Variants in UGT2B15 observed in about 807,000 individuals in gnomAD.
The protein encoded by UGT2B15 is UDP glucuronosyltransferase family 2 member B15, also known as UDP-glucuronosyltransferase 2B15.
Under a neutral mutation model 45.9 loss-of-function variants are expected in UGT2B15, and 36 were observed. The observed-to-expected ratio is 0.78, with a 90% CI of 0.60 to 1.04. UGT2B15 has a LOEUF of 1.04. Among genes scored for constraint, UGT2B15 ranks in the 50% least tolerant of loss-of-function variants. UGT2B15 has a pLI of 0.00. For missense variants in UGT2B15, 617 were observed against 622.4 expected (o/e 0.99, Z 0.09); for synonymous variants, 219 against 216.4 (o/e 1.01, Z -0.11).
chr4:68,657,534 A>G (rs1732842846), intron 3 of UGT2B15, among the ~76,000 whole-genome samples: 1 of 152,120 alleles, frequency 6.6e-6, no homozygotes, highest in African/African-American at 2.4e-5. Flanking sequence ...TGGGAAACAA[A>G]TAATCTAAGA....
intron 3 of UGT2B15, among the ~76,000 whole-genome samples, chr4:68,658,543 C>A (rs1947436): frequency 0.058 from 8,815 of 151,830 alleles, 608 homozygotes; most frequent in East Asian, 0.26. Context: ...TAAACCAAGC[C>A]CAAAACAGAA....
intron 3 of UGT2B15, among the ~76,000 whole-genome samples, chr4:68,662,351 T>C (rs1399387146): frequency 3.3e-5 from 5 of 151,648 alleles, no homozygotes; most frequent in African/African-American, 1.2e-4. Flanking sequence ...TTTTTCTGCT[T>C]AAGACATTAG....
chr4:68,666,748 A>AGATTT, intron 2 of UGT2B15, among the ~76,000 whole-genome samples: 1 of 82,486 alleles, frequency 1.2e-5, no homozygotes, highest in Non-Finnish European at 3.2e-5. Context: ...ATATATATAT[A>AGATTT]TATATTTTTT....
chr4:68,657,977 T>G (rs1732859423), intron 3 of UGT2B15, among the ~76,000 whole-genome samples: 1 of 152,094 alleles, frequency 6.6e-6, no homozygotes, highest in Non-Finnish European at 1.5e-5. Flanking sequence ...ACACCAAATT[T>G]TTTGTCTCTG....
chr4:68,664,789 C>T (rs1396427747), intron 2 of UGT2B15, among the ~76,000 whole-genome samples: 1 of 152,038 alleles, frequency 6.6e-6, no homozygotes, highest in Non-Finnish European at 1.5e-5. Flanking sequence ...TGGTCTTGAC[C>T]TCCTGACCTT....
intron 1 of UGT2B15, 96 bp downstream of exon 1, chr4:68,669,799 A>G (rs1434577836): frequency 1.4e-6 from 2 of 1,478,506 alleles, no homozygotes; most frequent in African/African-American, 1.4e-5. Flanking sequence ...ATTTCCCTTA[A>G]AAACACTATC....
intron 3 of UGT2B15, among the ~76,000 whole-genome samples, chr4:68,656,719 A>G (rs1486173285): frequency 6.6e-6 from 1 of 152,078 alleles, no homozygotes; most frequent in Non-Finnish European, 1.5e-5. Flanking sequence ...GAACTCTTTT[A>G]AAGAATTCAG....
Position 68,670,542 on chromosome 4 carries a change from A to G in UGT2B15, c.77T>C (p.Val26Ala). ...CYFSSGSCGK[V>A]LVWPTEYSHW... is the part of the protein sequence containing the mutation. ...GCTGTATTCTGTGGGCCACACTAGC[A>G]CCTTTCCACAGCTTCCAGAGCTAAA... Residue 26 changes from valine to alanine, a missense_variant, in exon 1 of 6, where the codon GTG becomes GCG. By Grantham distance (64) the Val-to-Ala change is moderately conservative. Around this residue, in one of 3 missense-constraint regions of UGT2B15, gnomAD observed 351 missense variants for 342.1 expected, o/e 1.03. Transcript: ENST00000338206. 6.2e-7 allele frequency: 1 copy of G among 1,608,164 alleles called. No homozygotes were observed. Among genetic ancestry groups the G allele is most frequent in the Non-Finnish European group, 8.5e-7 (1 of 1,178,822 alleles).
intron 2 of UGT2B15, among the ~76,000 whole-genome samples, chr4:68,666,613 A>G (rs147377828): frequency 2.0e-5 from 3 of 152,008 alleles, no homozygotes; most frequent in East Asian, 3.9e-4. Flanking sequence ...CCTTTTTGCA[A>G]TATTATACAT....
chr4:68,662,260 C>A (rs1732989198), intron 3 of UGT2B15, among the ~76,000 whole-genome samples: 1 of 151,988 alleles, frequency 6.6e-6, no homozygotes, highest in African/African-American at 2.4e-5. Context: ...ATTCTTAGAG[C>A]ATAGTCTTTG....
chr4:68,656,364 A>G (rs1732805862), intron 3 of UGT2B15, among the ~76,000 whole-genome samples: 2 of 149,828 alleles, frequency 1.3e-5, no homozygotes, highest in South Asian at 4.2e-4. Context: ...CCTTACCATT[A>G]CAGTGCTTAG....
chr4:68,661,274 C>T (rs542320802), intron 3 of UGT2B15, among the ~76,000 whole-genome samples: 1 of 152,132 alleles, frequency 6.6e-6, no homozygotes, highest in South Asian at 2.1e-4. Flanking sequence ...ATCTGATTGC[C>T]TCCTTGGAGA....
chr4:68,657,479 A>C (rs946340910), intron 3 of UGT2B15, among the ~76,000 whole-genome samples: 2 of 152,122 alleles, frequency 1.3e-5, no homozygotes, highest in Non-Finnish European at 2.9e-5. Context: ...TTCACCACAC[A>C]TAAACCCTAG....
Position 68,657,404 on chromosome 4 carries a change from A to G in UGT2B15, c.1006-2222T>C, listed in dbSNP as rs187464009. Among the ~76,000 whole-genome samples, 354 of 152,294 alleles carry G rather than the reference A, an allele frequency of 2.3e-3. 8 individuals are homozygous for G. The highest frequency in any genetic ancestry group is 8.0e-3 in the African/African-American group (332 of 41,552). ...TCTGGAGAGAGAAACTGAGACATGT[A>G]AGAGGGTGGAAACAACTCAGTGGTG... On this transcript the variant is annotated intron_variant, in intron 3 of 5. Transcript: ENST00000338206.
chr4:68,651,752 A>G (rs1213333793), intron 5 of UGT2B15, among the ~76,000 whole-genome samples: 2 of 152,094 alleles, frequency 1.3e-5, no homozygotes, highest in African/African-American at 4.8e-5. Context: ...TGGTACCAGT[A>G]CCATTCTGTT....
At chr4:68,668,323 T>A (rs1424160082) in intron 1 of UGT2B15, 135 bp from the exon 2 acceptor site, 2 of 1,266,946 alleles carry the variant, frequency 1.6e-6, no homozygotes, top group Non-Finnish European at 2.1e-6. Flanking sequence ...TGATAAAATA[T>A]ATATAAATAC....
chr4:68,650,815 T>C (rs1182263278), intron 5 of UGT2B15, among the ~76,000 whole-genome samples: 1 of 151,990 alleles, frequency 6.6e-6, no homozygotes, highest in Non-Finnish European at 1.5e-5. Flanking sequence ...GATCTGTTGT[T>C]TTTTGACTTT....
chr4:68,658,003 A>G (rs1732860874), intron 3 of UGT2B15, among the ~76,000 whole-genome samples: 1 of 152,028 alleles, frequency 6.6e-6, no homozygotes, highest in Non-Finnish European at 1.5e-5. Context: ...TATGATGTAA[A>G]TTTTGCTATT....
Position 68,662,046 on chromosome 4 carries a change from A to T in UGT2B15, c.1005+962T>A, listed in dbSNP as rs5029386. On this transcript the variant is annotated intron_variant, in intron 3 of 5. Transcript: ENST00000338206. ...ACTGGAGTAGAATTTACAAGTGTTG[A>T]CCTTGTATTTGATATGGGAGTGTTA... 3.1e-3 allele frequency among the ~76,000 whole-genome samples: 476 copies of T among 151,258 alleles called. 5 individuals carry two copies. The highest frequency in any genetic ancestry group is 0.011 in the African/African-American group (453 of 40,664).
Sources: allele counts gnomAD v4.1 joint callset (sites outside exome capture counted in the v4.1 genomes callset), GRCh38; gene constraint gnomAD v4.1.1; regional missense constraint gnomAD v4.1.1; transcripts MANE v1.5; gene names NCBI Gene and HGNC (gene_info 2026-07-23, HGNC 2026-07-21).